The following MARCHF4 variants were observed in gnomAD, a reference collection of about 807,000 sequenced individuals.
The protein encoded by MARCHF4 is E3 ubiquitin-protein ligase MARCHF4.
Under a neutral mutation model 43.9 loss-of-function variants are expected in MARCHF4, and 14 were observed. The ratio of observed to expected loss-of-function variants is 0.32; its 90% CI spans 0.21 to 0.50. The LOEUF is 0.50. MARCHF4 is among the 20% of genes least tolerant of loss of function. The probability of loss-of-function intolerance (pLI) is 0.98; values close to 1 mark genes in which losing one functional copy is unlikely to be tolerated. For synonymous variants in MARCHF4, 226 were observed against 213.3 expected (o/e 1.06, Z -0.52); for missense variants, 468 against 536.7 (o/e 0.87, Z 1.27).
intron 1 of MARCHF4, among the ~76,000 whole-genome samples, chr2:216,362,118 A>T (rs1692591702): frequency 6.6e-6 from 1 of 152,224 alleles, no homozygotes; most frequent in African/African-American, 2.4e-5. Context: ...ATTCTGCAAT[A>T]GTATAAGGAA....
chr2:216,339,762 A>T (rs538041228), intron 1 of MARCHF4, among the ~76,000 whole-genome samples: 20 of 152,062 alleles, frequency 1.3e-4, no homozygotes, highest in Admixed American at 1.3e-3. Flanking sequence ...TTTGGGTTTT[A>T]TTGGGGCCTC....
chr2:216,313,365 A>T (rs574594223), intron 1 of MARCHF4, among the ~76,000 whole-genome samples: 22 of 152,324 alleles, frequency 1.4e-4, no homozygotes, highest in South Asian at 4.1e-4. Context: ...AAAGTTGAAC[A>T]TTTCTAGTTC....
At chr2:216,265,994 G>A (rs931753624) in intron 3 of MARCHF4, 6 of 152,070 alleles carry the variant, frequency 3.9e-5, no homozygotes, top group African/African-American at 7.3e-5. Context: ...CCTCATAGAA[G>A]GTTCTAAATT....
chr2:216,269,939 T>C (rs1401497708), intron 3 of MARCHF4, among the ~76,000 whole-genome samples: 1 of 152,194 alleles, frequency 6.6e-6, no homozygotes, highest in Non-Finnish European at 1.5e-5. Flanking sequence ...CCCCTAGTCC[T>C]CTGTCCTCAG....
intron 1 of MARCHF4, among the ~76,000 whole-genome samples, chr2:216,289,237 G>C (rs2544067): frequency 0.8 from 105,517 of 131,506 alleles, 41,609 homozygotes; most frequent in East Asian, 0.93. Flanking sequence ...TTCCCCACCC[G>C]CCCCCCACCC....
intron 3 of MARCHF4, among the ~76,000 whole-genome samples, chr2:216,269,588 C>A (rs893212270): frequency 2.0e-5 from 3 of 152,182 alleles, no homozygotes; most frequent in Admixed American, 6.5e-5. Flanking sequence ...TTTCGGCAAA[C>A]CTTTCTTGAG....
At chr2:216,288,186 A>G (rs559389129) in intron 1 of MARCHF4, among the ~76,000 whole-genome samples, 1 of 152,168 alleles carries the variant, frequency 6.6e-6, no homozygotes, top group Non-Finnish European at 1.5e-5. Context: ...GCTGATCTCA[A>G]ACTCCTAGGC....
intron 1 of MARCHF4, among the ~76,000 whole-genome samples, chr2:216,307,876 T>C (rs1317438293): frequency 6.6e-6 from 1 of 151,752 alleles, no homozygotes; most frequent in East Asian, 1.9e-4. Flanking sequence ...AAGACCCCTA[T>C]CTCTACAGAA....
intron 2 of MARCHF4, among the ~76,000 whole-genome samples, chr2:216,282,798 GGCCCT>G (rs1223003941): frequency 6.6e-6 from 1 of 152,094 alleles, no homozygotes; most frequent in Non-Finnish European, 1.5e-5. Context: ...ATTCCACCCT[GGCCCT>G]GCCTGCCTTT....
chr2:216,333,832 C>G (rs1242247438), intron 1 of MARCHF4, among the ~76,000 whole-genome samples: 2 of 152,192 alleles, frequency 1.3e-5, no homozygotes, highest in Non-Finnish European at 2.9e-5. Context: ...CCCTTAGGAA[C>G]TGACCACAGC....
chr2:216,292,507 T>C (rs772093776), intron 1 of MARCHF4, among the ~76,000 whole-genome samples: 1 of 152,172 alleles, frequency 6.6e-6, no homozygotes, highest in Non-Finnish European at 1.5e-5. Flanking sequence ...TAAGGAGAGA[T>C]GACAGAGAAA....
At chr2:216,302,897 C>CAAAAA (rs201503998) in intron 1 of MARCHF4, among the ~76,000 whole-genome samples, 6 of 78,360 alleles carry the variant, frequency 7.7e-5, no homozygotes, top group African/African-American at 2.4e-4. Flanking sequence ...GACTCTGTAT[C>CAAAAA]AAAAAAAAAA....
At chr2:216,354,891 TTTTCTTTCTTTC>T (rs71054468) in intron 1 of MARCHF4, among the ~76,000 whole-genome samples, 2,824 of 86,614 alleles carry the variant, frequency 0.033, 154 homozygotes, top group African/African-American at 0.041. Flanking sequence ...TTAATAATTG[TTTTCTTTCTTTC>T]TTTCTTTCTT....
chr2:216,269,135 C>A (rs1054724356), intron 3 of MARCHF4, among the ~76,000 whole-genome samples: 1 of 152,194 alleles, frequency 6.6e-6, no homozygotes, highest in East Asian at 1.9e-4. Context: ...CTTCCCCTGA[C>A]CCCATATCAA....
chr2:216,278,299 T>C (rs1019259216), intron 2 of MARCHF4, among the ~76,000 whole-genome samples: 3 of 152,112 alleles, frequency 2.0e-5, no homozygotes, highest in African/African-American at 7.2e-5. Flanking sequence ...TCTCGGCTCA[T>C]TGCAAGCTCC....
intron 1 of MARCHF4, among the ~76,000 whole-genome samples, chr2:216,359,053 A>C (rs79367029): frequency 0.019 from 2,960 of 152,316 alleles, 93 homozygotes; most frequent in African/African-American, 0.067. Flanking sequence ...AGGGAAATTA[A>C]CATTAGCTGG....
intron 1 of MARCHF4, among the ~76,000 whole-genome samples, chr2:216,337,194 T>G (rs907455355): frequency 1.4e-5 from 2 of 146,790 alleles, no homozygotes; most frequent in African/African-American, 5.0e-5. Context: ...TGAATGACAA[T>G]GTGCAAAAAG....
At chr2:216,312,417 AAAC>A (rs1691702135) in intron 1 of MARCHF4, among the ~76,000 whole-genome samples, 1 of 152,238 alleles carries the variant, frequency 6.6e-6, no homozygotes, top group South Asian at 2.1e-4. Context: ...TGTGATGAAC[AAAC>A]AAGTACAGGT....
intron 1 of MARCHF4, among the ~76,000 whole-genome samples, chr2:216,290,706 G>T (rs1691294261): frequency 6.6e-6 from 1 of 152,140 alleles, no homozygotes; most frequent in Non-Finnish European, 1.5e-5. Context: ...CCTGAGAAAT[G>T]GTCAGTTTCA....
Sources: allele counts gnomAD v4.1 joint callset (sites outside exome capture counted in the v4.1 genomes callset), GRCh38; gene constraint gnomAD v4.1.1; transcripts MANE v1.5; gene names NCBI Gene and HGNC (gene_info 2026-07-23, HGNC 2026-07-21).